Variants in ZNF665 observed in about 807,000 individuals in gnomAD.
ZNF665 encodes the protein zinc finger protein 665.
ZNF665 carries 6 observed loss-of-function variants against 7.9 expected under a neutral mutation model. The observed-to-expected ratio is 0.76, with a 90% CI of 0.42 to 1.50. The LOEUF (loss-of-function observed/expected upper bound fraction) is 1.50, where lower values mean the gene tolerates loss of function less well. Ranked by LOEUF, ZNF665 falls within the 40% of genes most tolerant of loss-of-function variation. ZNF665 has a pLI of 0.01. For synonymous variants in ZNF665, 242 were observed against 274.5 expected (o/e 0.88, Z 1.17); for missense variants, 819 against 806.7 (o/e 1.02, Z -0.18).
intron 3 of ZNF665, among the ~76,000 whole-genome samples, chr19:53,172,627 C>G (rs2090666775): frequency 6.6e-6 from 1 of 151,988 alleles, no homozygotes; most frequent in Non-Finnish European, 1.5e-5. Flanking sequence ...GGGTTTGAGA[C>G]CAGCCTGGCC....
chr19:53,183,071 G>C, intron 1 of ZNF665, 128 bp from the exon 2 acceptor site: 4 of 1,023,164 alleles, frequency 3.9e-6, no homozygotes, highest in Non-Finnish European at 4.5e-6. Context: ...TTATACACAG[G>C]GAAGATGGTC....
intron 1 of ZNF665, among the ~76,000 whole-genome samples, chr19:53,188,852 C>G (rs1228859294): frequency 2.0e-5 from 3 of 151,970 alleles, no homozygotes; most frequent in African/African-American, 7.2e-5. Flanking sequence ...TGCACATCAC[C>G]ACGGCCAGCT....
At chr19:53,175,380 TCA>T in intron 3 of ZNF665, 63 bp downstream of exon 3, 1 of 1,570,742 alleles carries the variant, frequency 6.4e-7, no homozygotes, top group East Asian at 2.3e-5. Flanking sequence ...CTCAAGAGAC[TCA>T]CAAGGGAAAA....
rs2090607048 is a variant in ZNF665 at position 53,165,698 on chromosome 19, A to G, written c.792T>C (p.Cys264=). ...RIHTGEKPYK[C]NECGKAFRAH... The stretch of plus-strand genomic sequence containing the variant: ...CTCTAAAGGCTTTGCCACACTCATT[A>G]CACTTGTAAGGTTTCTCTCCAGTAT... Residue 264 remains cysteine, a synonymous_variant, in exon 4 of 4, where the codon TGT becomes TGC. Transcript: ENST00000396424. 6.2e-7 allele frequency: 1 copy of G among 1,614,112 alleles called. No homozygotes were observed. The highest frequency in any genetic ancestry group is 1.3e-5 in the African/African-American group (1 of 74,936).
chr19:53,189,324 A>G (rs1329551271), intron 1 of ZNF665, among the ~76,000 whole-genome samples: 1 of 151,618 alleles, frequency 6.6e-6, no homozygotes, highest in Non-Finnish European at 1.5e-5. Context: ...CGCCCGGGGG[A>G]CCACTACCAC....
At position 53,164,874 on chromosome 19, in the gene ZNF665, T is replaced by C. The variant is rs373241508; in HGVS notation, c.1616A>G (p.Gln539Arg). ...GCAATCATTACATTTGTATGGTTTT[T>C]GTCCAGTATGTATTGTCTGATGTAT... ...LTIHQTIHTG[Q>R]KPYKCNDCGK... The change falls in exon 4 of 4, where the codon CAA (glutamine) becomes CGA (arginine). Residue 539 changes from glutamine to arginine, a missense_variant. Physicochemically the swap from Gln to Arg is conservative, Grantham distance 43. Transcript: ENST00000396424. 5.0e-6 allele frequency: 8 copies of C among 1,614,088 alleles called. No individual in the cohort carries two copies. Among genetic ancestry groups the C allele is most frequent in the Non-Finnish European group, 6.8e-6 (8 of 1,180,038 alleles).
At position 53,166,218 on chromosome 19, in the gene ZNF665, AC is replaced by A; in HGVS notation, c.271del (p.Val91PhefsTer53). The A allele has an allele frequency of 6.2e-7, 1 of 1,613,928 alleles. No homozygotes were observed. Among genetic ancestry groups the A allele is most frequent in the Non-Finnish European group, 8.5e-7 (1 of 1,179,882 alleles). On this transcript the variant is annotated frameshift_variant, in exon 4 of 4. Transcript: ENST00000396424. LOFTEE classifies it low-confidence loss of function (END_TRUNC). ...CTCAAAGTCGTATGTATTTTTCTGA[AC>A]TTCCTGGAAGGACAAGCCTACAGTG... ...CDTVGLSFQE[V>X]QKNTYDFECQ...
intron 3 of ZNF665, among the ~76,000 whole-genome samples, chr19:53,167,595 C>CG (rs2090625662): frequency 6.7e-6 from 1 of 149,548 alleles, no homozygotes; most frequent in Non-Finnish European, 1.5e-5. Context: ...TACAGGCGCC[C>CG]GCCACCGCGC....
Position 53,163,586 on chromosome 19 carries a change from CGT to C in ZNF665, c.*865_*866del, listed in dbSNP as rs1225056335. 1 of 152,158 alleles carries C rather than the reference CGT, an allele frequency of 6.6e-6. No individual in the cohort carries two copies. The highest frequency in any genetic ancestry group is 1.5e-5 in the Non-Finnish European group (1 of 68,040). The allele number at this position is 152,158 out of a possible 1,614,324, so 9.4% of individuals were successfully genotyped here. A position where few individuals can be genotyped will look rare whatever the true frequency, so the allele number is the denominator to read the frequency against. ...CTTTCCCGAACAACACCATGTTAGG[CGT>C]ATAATCATGTATAAAATCAGCACAT... is the stretch of plus-strand genomic sequence containing the variant. On this transcript the variant is annotated 3_prime_UTR_variant, in exon 4 of 4. Transcript: ENST00000396424.
At position 53,164,481 on chromosome 19, in the gene ZNF665, G is replaced by T; in HGVS notation, c.2009C>A (p.Ala670Glu). ...TCCACTATGAATTCTTCGATGTTTT[G>T]CAAGGTTTGAATTTTGAGTAAAGAC... ...GKVFTQNSNL[A>E]KHRRIHSG Residue 670 changes from alanine (A) to glutamate (E), a missense_variant, in exon 4 of 4, where the codon GCA becomes GAA. Ala to Glu is a moderately radical substitution (Grantham distance 107, BLOSUM62 -1). Transcript: ENST00000396424. 1.2e-6 allele frequency: 2 copies of T among 1,600,008 alleles called. No homozygotes were observed. The highest frequency in any genetic ancestry group is 1.7e-6 in the Non-Finnish European group (2 of 1,173,488).
chr19:53,168,079 A>AAAGAAAG (rs2090631503), intron 3 of ZNF665, among the ~76,000 whole-genome samples: 3 of 48,300 alleles, frequency 6.2e-5, no homozygotes, highest in East Asian at 1.3e-3. Context: ...AAAAAAAAAA[A>AAAGAAAG]AAAGAAAGAA....
At chr19:53,169,656 G>A (rs546289034) in intron 3 of ZNF665, among the ~76,000 whole-genome samples, 242 of 152,110 alleles carry the variant, frequency 1.6e-3, no homozygotes, top group South Asian at 7.9e-3. Flanking sequence ...AGCATTAGGT[G>A]TATCTCCTAA....
intron 3 of ZNF665, among the ~76,000 whole-genome samples, chr19:53,167,646 C>T (rs1006238592): frequency 5.4e-5 from 8 of 149,092 alleles, no homozygotes; most frequent in African/African-American, 2.0e-4. Context: ...CGGGGTTTCA[C>T]CGTGTTAGCC....
At chr19:53,172,513 A>G (rs1246204994) in intron 3 of ZNF665, among the ~76,000 whole-genome samples, 1 of 152,016 alleles carries the variant, frequency 6.6e-6, no homozygotes, top group African/African-American at 2.4e-5. Flanking sequence ...GCAAGTAGTG[A>G]TGTTGGCTGT....
At chr19:53,184,196 G>C (rs763171848) in intron 1 of ZNF665, among the ~76,000 whole-genome samples, 23 of 152,076 alleles carry the variant, frequency 1.5e-4, no homozygotes, top group Admixed American at 8.5e-4. Flanking sequence ...GTTGCAGTGA[G>C]CCAAGATCAC....
chr19:53,183,785 T>C (rs572265801), intron 1 of ZNF665, among the ~76,000 whole-genome samples: 1 of 152,036 alleles, frequency 6.6e-6, no homozygotes, highest in African/African-American at 2.4e-5. Context: ...GGACCACCCA[T>C]GTGAAGGCCC....
intron 1 of ZNF665, among the ~76,000 whole-genome samples, chr19:53,186,717 A>C (rs1599886220): frequency 2.2e-3 from 2 of 894 alleles, no homozygotes; most frequent in East Asian, 0.017. Context: ...TGTCCCCCCC[A>C]CCTCCCTCCC....
In ZNF665 at chr19:53,164,950, A is replaced by C. The variant is rs1405730577; in HGVS notation, c.1540T>G (p.Tyr514Asp). 6.2e-7 allele frequency: 1 copy of C among 1,614,174 alleles called. No individual in the cohort carries two copies. ...HWRVHTGEKP[Y>D]KCNECGKAFS... Reference sequence around the variant, plus strand: ...GCTTTGCCACACTCATTACACTTGTAAGGTTTTTCTCCAGTATGAACTCTC... The same window carrying C: ...GCTTTGCCACACTCATTACACTTGTCAGGTTTTTCTCCAGTATGAACTCTC... The change falls in exon 4 of 4, where the codon TAC becomes GAC. Residue 514 changes from tyrosine (Y) to aspartate (D), a missense_variant. Coordinates refer to ENST00000396424, the MANE Select transcript of ZNF665 (RefSeq NM_024733.5).
rs773993346 is a variant in ZNF665, at chr19:53,165,568, G to A, written c.922C>T (p.His308Tyr). 1.2e-6 allele frequency: 2 copies of A among 1,614,162 alleles called. No homozygotes were observed. The highest frequency in any genetic ancestry group is 1.7e-6 in the Non-Finnish European group (2 of 1,180,028). ...CFTQNSHLAS[H>Y]RRIHTGEKPY... Reference sequence around the variant, plus strand: ...TTCTCCCCAGTATGAATTCTTCGATGACTTGCAAGGTGTGAATTTTGAGTG... The same window carrying A: ...TTCTCCCCAGTATGAATTCTTCGATAACTTGCAAGGTGTGAATTTTGAGTG... The change falls in exon 4 of 4, where the codon CAT (histidine) becomes TAT (tyrosine). Residue 308 changes from histidine (H) to tyrosine (Y), a missense_variant. By Grantham distance (83) the His-to-Tyr change is moderately conservative (BLOSUM62 2). Coordinates refer to ENST00000396424, the MANE Select transcript of ZNF665 (RefSeq NM_024733.5).
Sources: gnomAD v4.1 joint callset for allele counts (sites outside exome capture counted in the v4.1 genomes callset) on GRCh38, gnomAD v4.1.1 for gene constraint, MANE v1.5 for transcripts, NCBI Gene and HGNC (gene_info 2026-07-23, HGNC 2026-07-21) for gene names.